The following GRID2 variants were observed in gnomAD, a reference collection of about 807,000 sequenced individuals.
The protein encoded by GRID2 is glutamate receptor ionotropic, delta-2.
A neutral mutation model predicts 114.8 loss-of-function variants in GRID2; 33 were observed. The observed-to-expected ratio is 0.29, with a 90% CI of 0.22 to 0.38. The LOEUF (loss-of-function observed/expected upper bound fraction) is 0.38. Ranked by LOEUF, GRID2 falls within the 10% of genes least tolerant of loss-of-function variation. The probability of loss-of-function intolerance (pLI) is 1.00; values close to 1 mark genes in which losing one functional copy is unlikely to be tolerated. For synonymous variants in GRID2, 505 were observed against 449.9 expected (o/e 1.12, Z -1.55); for missense variants, 1,184 against 1,257.7 (o/e 0.94, Z 0.89).
intron 13 of GRID2, among the ~76,000 whole-genome samples, chr4:93,556,739 A>G (rs533373086): frequency 6.6e-6 from 1 of 152,146 alleles, no homozygotes; most frequent in Non-Finnish European, 1.5e-5. Flanking sequence ...TTCAGGAAAT[A>G]TAGAGAACAC....
intron 15 of GRID2, among the ~76,000 whole-genome samples, chr4:93,771,173 T>C (rs902295471): frequency 2.6e-5 from 4 of 152,222 alleles, no homozygotes; most frequent in African/African-American, 9.6e-5. Flanking sequence ...TAATTTTATT[T>C]CCTTCCAGTT....
rs553170379 is a variant in GRID2, at chr4:92,635,710, A to G, written c.244+45424A>G. Among the ~76,000 whole-genome samples, 508 of 152,198 alleles carry G rather than the reference A, an allele frequency of 3.3e-3. 2 individuals are homozygous for G. The highest frequency in any genetic ancestry group is 0.012 in the African/African-American group (485 of 41,556). ...GCTAATTTTTATTAGGGAACATTTC[A>G]ATACAACTAACATTTTTGAAATACA... On this transcript the variant is annotated intron_variant, in intron 2 of 15. Transcript: ENST00000282020.
intron 8 of GRID2, among the ~76,000 whole-genome samples, chr4:93,268,071 G>T (rs1021368057): frequency 6.6e-6 from 1 of 152,240 alleles, no homozygotes; most frequent in East Asian, 1.9e-4. Context: ...ATTTTCTGCT[G>T]GATCTCACCA....
At chr4:93,018,343 A>G (rs1446306697) in intron 2 of GRID2, among the ~76,000 whole-genome samples, 1 of 152,132 alleles carries the variant, frequency 6.6e-6, no homozygotes, top group Non-Finnish European at 1.5e-5. Flanking sequence ...TCACCATAAC[A>G]GTGTCATTAC....
intron 1 of GRID2, among the ~76,000 whole-genome samples, chr4:92,453,099 C>A (rs976235878): frequency 1.3e-5 from 2 of 151,554 alleles, no homozygotes; most frequent in African/African-American, 4.9e-5. Context: ...CTCTAAAGAG[C>A]AAATACCATG....
intron 2 of GRID2, among the ~76,000 whole-genome samples, chr4:92,941,639 C>T (rs1026982361): frequency 1.3e-5 from 2 of 151,846 alleles, no homozygotes; most frequent in Non-Finnish European, 1.5e-5. Context: ...CTTGCTTCTC[C>T]AGTTCTTTTA....
intron 8 of GRID2, among the ~76,000 whole-genome samples, chr4:93,246,292 A>C (rs1748193056): frequency 6.6e-6 from 1 of 152,144 alleles, no homozygotes; most frequent in East Asian, 1.9e-4. Flanking sequence ...AATCTAGAAA[A>C]TATTATGAAG....
chr4:93,574,151 A>G lies in GRID2; in HGVS notation c.2194-52118A>G, dbSNP rs1242251536. Among the ~76,000 whole-genome samples the G allele has an allele frequency of 2.6e-5, 4 of 152,268 alleles. No individual in the cohort carries two copies. In the East Asian group the frequency reaches 7.7e-4, roughly 29 times the overall value. On this transcript the variant is annotated intron_variant, in intron 13 of 15. Transcript: ENST00000282020. ...AATTCACAGTCCCTATTCAATGCCC[A>G]TCTTTCCTCCAAGGCACAAATTGAA...
intron 1 of GRID2, among the ~76,000 whole-genome samples, chr4:92,535,783 T>A (rs1259782667): frequency 6.6e-6 from 1 of 152,034 alleles, no homozygotes; most frequent in Non-Finnish European, 1.5e-5. Flanking sequence ...TCGTGGTGAG[T>A]GTTACAGTTC....
intron 1 of GRID2, among the ~76,000 whole-genome samples, chr4:92,440,287 A>T (rs1732973828): frequency 6.8e-6 from 1 of 146,082 alleles, no homozygotes; most frequent in Non-Finnish European, 1.5e-5. Context: ...TTGACTAATA[A>T]AGGCTGGTCT....
At chr4:93,181,069 T>C (rs1739849062) in intron 4 of GRID2, among the ~76,000 whole-genome samples, 1 of 152,178 alleles carries the variant, frequency 6.6e-6, no homozygotes, top group Non-Finnish European at 1.5e-5. Context: ...CACCTATTTA[T>C]GGCAGCTATA....
chr4:92,739,488 AC>A (rs1465576314), intron 2 of GRID2, among the ~76,000 whole-genome samples: 1 of 152,056 alleles, frequency 6.6e-6, no homozygotes. Context: ...GTCTTTGAAA[AC>A]TTTTACCATT....
intron 2 of GRID2, among the ~76,000 whole-genome samples, chr4:93,037,060 A>G (rs1724998373): frequency 6.6e-6 from 1 of 152,162 alleles, no homozygotes; most frequent in African/African-American, 2.4e-5. Flanking sequence ...TTTTCAGCAC[A>G]GTTGATAAAG....
At chr4:93,775,700 A>G (rs925677417), downstream of GRID2, among the ~76,000 whole-genome samples, 7 of 152,190 alleles carry the variant, frequency 4.6e-5, no homozygotes, top group Admixed American at 6.5e-5. Context: ...AATTTACCCC[A>G]CTGGTGAATC....
At chr4:93,787,763 G>A (rs1188773225) in intron 1 of GRID2, among the ~76,000 whole-genome samples, 1 of 152,080 alleles carries the variant, frequency 6.6e-6, no homozygotes, top group African/African-American at 2.4e-5. Flanking sequence ...TGAATGGAAC[G>A]ATTGATTAAC....
At chr4:92,805,111 A>G (rs1740348193) in intron 2 of GRID2, among the ~76,000 whole-genome samples, 1 of 152,022 alleles carries the variant, frequency 6.6e-6, no homozygotes. Flanking sequence ...CATTTTCTAC[A>G]TGATGAAACT....
chr4:92,440,763 T>A (rs1016698201), intron 1 of GRID2, among the ~76,000 whole-genome samples: 3 of 151,406 alleles, frequency 2.0e-5, no homozygotes, highest in African/African-American at 4.9e-5. Context: ...AGAAGGAAAT[T>A]TGGGGAAATG....
chr4:92,541,981 GTGTT>G (rs911083368), intron 1 of GRID2, among the ~76,000 whole-genome samples: 1 of 152,058 alleles, frequency 6.6e-6, no homozygotes, highest in East Asian at 1.9e-4. Context: ...TGAGTGAAGT[GTGTT>G]TGTGTTCTTT....
chr4:92,489,648 C>A (rs1382019526), intron 1 of GRID2, among the ~76,000 whole-genome samples: 1 of 152,000 alleles, frequency 6.6e-6, no homozygotes, highest in East Asian at 1.9e-4. Flanking sequence ...GAGTTCAAGA[C>A]CAGCCTGGCT....
Sources: allele counts gnomAD v4.1 joint callset (sites outside exome capture counted in the v4.1 genomes callset), GRCh38; gene constraint gnomAD v4.1.1; transcripts MANE v1.5; gene names NCBI Gene and HGNC (gene_info 2026-07-23, HGNC 2026-07-21).